The following COG7 variants were observed in gnomAD, a reference collection of about 807,000 sequenced individuals.
The protein encoded by COG7 is conserved oligomeric Golgi complex subunit 7.
COG7 carries 49 observed loss-of-function variants against 91.5 expected under a neutral mutation model. The observed-to-expected ratio is 0.54, with a 90% confidence interval of 0.43 to 0.68. COG7 has a LOEUF of 0.68. COG7 is among the 30% of genes least tolerant of loss of function. The probability of loss-of-function intolerance (pLI) is 0.00; values close to 1 mark genes in which losing one functional copy is unlikely to be tolerated. For missense variants in COG7, 895 were observed against 961.3 expected, an observed-to-expected ratio of 0.93 and a Z score of 0.91; for synonymous variants, 365 against 388.7, an observed-to-expected ratio of 0.94 and a Z score of 0.72.
At chr16:23,405,329 G>A (rs1261389340) in intron 12 of COG7, among the ~76,000 whole-genome samples, 4 of 152,018 alleles carry the variant, frequency 2.6e-5, no homozygotes, top group Admixed American at 6.6e-5. Context: ...TGGTATCCTG[G>A]GTTGGGATCC....
chr16:23,436,385 T>A (rs1275715078), intron 4 of COG7, among the ~76,000 whole-genome samples: 1 of 152,104 alleles, frequency 6.6e-6, no homozygotes, highest in Non-Finnish European at 1.5e-5. Context: ...TTTTAGGAGA[T>A]GGAAAAGGGG....
At chr16:23,433,988 T>A (rs2142087794) in intron 5 of COG7, among the ~76,000 whole-genome samples, 1 of 152,316 alleles carries the variant, frequency 6.6e-6, no homozygotes, top group Middle Eastern at 3.4e-3. Flanking sequence ...CGGGCAGACA[T>A]GTATGTTTAA....
chr16:23,391,574 T>C (rs1259044947), intron 16 of COG7, among the ~76,000 whole-genome samples: 1 of 152,198 alleles, frequency 6.6e-6, no homozygotes, highest in East Asian at 1.9e-4. Flanking sequence ...CAGAAGCCGG[T>C]TGAGCCTGGC....
intron 14 of COG7, among the ~76,000 whole-genome samples, chr16:23,395,681 G>C (rs1198784298): frequency 2.0e-5 from 3 of 152,130 alleles, no homozygotes; most frequent in African/African-American, 7.2e-5. Context: ...TTTCTCTCAG[G>C]GATCTTGTCT....
rs141138076 is a variant in COG7, at chr16:23,452,859, G to A, written c.136C>T (p.Leu46=). 24 of 1,613,640 alleles carry A rather than the reference G, an allele frequency of 1.5e-5. No homozygotes were observed. The African/African-American group carries it at 2.9e-4, about 20-fold the overall frequency. The change falls in exon 1 of 17, where the codon CTG becomes TTG. Residue 46 remains leucine (L), a synonymous_variant. Transcript: ENST00000307149. ...GCGTGGTTCACCTCTTGGATGAACA[G>A]CTGCAGCTTCATCACCAGGGTGGCT... ...HAATLVMKLQ[L]FIQEVNHAVE... is the part of the protein sequence containing the mutation.
chr16:23,419,381 AGCCTG>A (rs1963712808), intron 7 of COG7, among the ~76,000 whole-genome samples: 1 of 149,418 alleles, frequency 6.7e-6, no homozygotes, highest in Non-Finnish European at 1.5e-5. Flanking sequence ...ATTGCATTCC[AGCCTG>A]GGCAACAAGA....
In COG7 at chr16:23,394,251, G is replaced by T. The variant is rs117062346; in HGVS notation, c.1888-904C>A. On this transcript the variant is annotated intron_variant, in intron 14 of 16. Coordinates refer to ENST00000307149, the MANE Select transcript of COG7 (RefSeq NM_153603.4). ...AGATAGACAAAACCTTGGCTGGTGG[G>T]GAATTGCAAAAGGTCATTTGCAATT... Among the ~76,000 whole-genome samples the T allele has an allele frequency of 4.4e-3, 674 of 152,114 alleles. 33 individuals carry two copies. In the East Asian group the frequency reaches 0.11, roughly 25 times the overall value.
In COG7 at chr16:23,433,595, A is replaced by G. The variant is rs772995933; in HGVS notation, c.760T>C (p.Tyr254His). 3 of 1,614,120 alleles carry G rather than the reference A, an allele frequency of 1.9e-6. No homozygotes were observed. The Admixed American group carries it at 5.0e-5, about 27-fold the overall frequency. Residue 254 changes from tyrosine (Y) to histidine (H), a missense_variant, in exon 6 of 17, where the codon TAT becomes CAT. Transcript: ENST00000307149. Reference protein sequence around the residue: ...LSLDRQLTGLYDALLGAWHTQ... With the variant: ...LSLDRQLTGLHDALLGAWHTQ... ...TGCCAAGCACCAAGCAAGGCATCAT[A>G]GAGTCCGGTAAGCTGCCGGTCCAGG...
At chr16:23,438,652 T>A (rs931766708) in intron 4 of COG7, among the ~76,000 whole-genome samples, 9 of 151,720 alleles carry the variant, frequency 5.9e-5, no homozygotes, top group African/African-American at 2.2e-4. Flanking sequence ...GAAAATACAC[T>A]CAATATCATT....
intron 4 of COG7, among the ~76,000 whole-genome samples, chr16:23,440,267 G>A (rs1055216157): frequency 3.3e-5 from 5 of 151,666 alleles, no homozygotes; most frequent in African/African-American, 1.2e-4. Context: ...GCGCATGTCT[G>A]TAATCCCAGC....
In COG7 at chr16:23,439,158, C is replaced by CAAA. The variant is rs1288559124; in HGVS notation, c.604+3316_604+3318dup. On this transcript the variant is annotated intron_variant, in intron 4 of 16. Coordinates refer to ENST00000307149, the MANE Select transcript of COG7 (RefSeq NM_153603.4). Reference sequence around the variant, plus strand: ...GGACAACAGAGTTAAACTGTGTCTCCAAAAAAAAAAAAAAAAAAAAAGATA... The same window carrying CAAA: ...GGACAACAGAGTTAAACTGTGTCTCCAAAAAAAAAAAAAAAAAAAAAAAAGATA... Among the ~76,000 whole-genome samples, 28 of 53,742 alleles carry CAAA rather than the reference C, an allele frequency of 5.2e-4. 1 individual carries two copies. Among genetic ancestry groups the CAAA allele is most frequent in the African/African-American group, 1.8e-3 (24 of 13,610 alleles). 35.3% of individuals were successfully genotyped at this position (53,742 alleles called of 152,430 possible). A position where few individuals can be genotyped will look rare whatever the true frequency, so the allele number is the denominator to read the frequency against.
At chr16:23,416,129 C>G (rs1473331885) in intron 9 of COG7, 2 of 152,092 alleles carry the variant, frequency 1.3e-5, no homozygotes, top group Non-Finnish European at 2.9e-5. Flanking sequence ...CTCTTGGATT[C>G]AGCAATTTTT....
At chr16:23,444,110 C>A (rs1467566195) in intron 3 of COG7, among the ~76,000 whole-genome samples, 1 of 151,532 alleles carries the variant, frequency 6.6e-6, no homozygotes, top group Non-Finnish European at 1.5e-5. Flanking sequence ...TGTACTCCAG[C>A]CTGGGCTTCA....
At chr16:23,409,032 G>A (rs1963514999) in intron 11 of COG7, among the ~76,000 whole-genome samples, 1 of 151,862 alleles carries the variant, frequency 6.6e-6, no homozygotes, top group South Asian at 2.1e-4. Flanking sequence ...CACCATCTGT[G>A]TTCCTGGCTG....
At chr16:23,407,948 T>C (rs1405742970) in intron 11 of COG7, among the ~76,000 whole-genome samples, 1 of 150,864 alleles carries the variant, frequency 6.6e-6, no homozygotes, top group African/African-American at 2.4e-5. Flanking sequence ...GCAATGAGCA[T>C]ACTGGCACAT....
At chr16:23,405,517 CTTTTTTTT>C (rs869133051) in intron 12 of COG7, among the ~76,000 whole-genome samples, 8 of 139,174 alleles carry the variant, frequency 5.7e-5, no homozygotes, top group Admixed American at 5.1e-4. Flanking sequence ...CTCTTTTTTC[CTTTTTTTT>C]TTTTTTTTTG....
At chr16:23,405,949 A>C in intron 12 of COG7, 127 bp downstream of exon 12, 1 of 815,352 alleles carries the variant, frequency 1.2e-6, no homozygotes, top group Middle Eastern at 3.4e-4. Flanking sequence ...TGAGACAGAG[A>C]GGTAGTAGCA....
Position 23,391,788 on chromosome 16 carries a change from G to C in COG7, c.2146+592C>G, listed in dbSNP as rs114047100. 1,278 of 185,148 alleles carry C rather than the reference G, an allele frequency of 6.9e-3. 18 individuals carry two copies. Among genetic ancestry groups the C allele is most frequent in the African/African-American group, 0.028 (1,202 of 43,030 alleles). The allele number at this position is 185,148 out of a possible 1,614,324, so 11.5% of individuals were successfully genotyped here. On this transcript the variant is annotated intron_variant, in intron 16 of 16. Transcript: ENST00000307149. ...CCCATGCTCAGAGTACACCTGGGCA[G>C]TGAGGCCCTCCAGTGAAGAGGGCAG...
At chr16:23,404,087 G>A (rs1963421227) in intron 12 of COG7, among the ~76,000 whole-genome samples, 1 of 152,244 alleles carries the variant, frequency 6.6e-6, no homozygotes, top group Admixed American at 6.5e-5. Context: ...ACTTTCCCAG[G>A]TGATTCTGAT....
Sources: gnomAD v4.1 joint callset for allele counts (sites outside exome capture counted in the v4.1 genomes callset) on GRCh38, gnomAD v4.1.1 for gene constraint, MANE v1.5 for transcripts, NCBI Gene and HGNC (gene_info 2026-07-23, HGNC 2026-07-21) for gene names.